Variants in EPHA6 observed in about 807,000 individuals in gnomAD.
The protein encoded by EPHA6 is EPH receptor A6.
Under a neutral mutation model 112.0 loss-of-function variants are expected in EPHA6, and 50 were observed. The ratio of observed to expected loss-of-function variants is 0.45; its 90% confidence interval spans 0.36 to 0.56. The LOEUF is 0.56. Ranked by LOEUF, EPHA6 falls within the 20% of genes least tolerant of loss-of-function variation. The probability of loss-of-function intolerance (pLI) is 0.00; values close to 1 mark genes in which losing one functional copy is unlikely to be tolerated. For missense variants in EPHA6, 1,280 were observed against 1,417.4 expected, an observed-to-expected ratio of 0.90 and a Z score of 1.56; for synonymous variants, 529 against 490.7, an observed-to-expected ratio of 1.08 and a Z score of -1.03.
intron 10 of EPHA6, among the ~76,000 whole-genome samples, chr3:97,493,346 C>T (rs1040367331): frequency 2.0e-5 from 3 of 151,930 alleles, no homozygotes; most frequent in African/African-American, 4.8e-5. Context: ...TTTATTTTCT[C>T]ACAGTTCTGG....
chr3:97,439,713 T>C (rs573167123), intron 6 of EPHA6: 36 of 678,752 alleles, frequency 5.3e-5, no homozygotes, highest in South Asian at 2.0e-4. Flanking sequence ...TTTCTCATCA[T>C]GGGTTCATTT....
chr3:97,592,470 A>G (rs551470949), intron 11 of EPHA6, 142 bp from the exon 12 acceptor site: 30 of 927,620 alleles, frequency 3.2e-5, no homozygotes, highest in Admixed American at 1.5e-4. Context: ...TATGGAGTAA[A>G]AAATGCATTC....
intron 3 of EPHA6, among the ~76,000 whole-genome samples, chr3:97,130,001 G>C (rs1167208577): frequency 4.6e-5 from 7 of 152,186 alleles, no homozygotes; most frequent in African/African-American, 2.4e-5. Context: ...AGATTAACTA[G>C]AGTTAGGTCA....
chr3:97,268,981 G>T lies in EPHA6; in HGVS notation c.1606+24694G>T, dbSNP rs115414872. ...AGTTTCTAACTATATGTTACTTATG[G>T]CGTGGGAGAACATTCCCTTTAGGAT... On this transcript the variant is annotated intron_variant, in intron 5 of 17. Transcript: ENST00000389672. Among the ~76,000 whole-genome samples the T allele has an allele frequency of 1.3e-3, 205 of 152,140 alleles. 2 individuals are homozygous for T. Among genetic ancestry groups the T allele is most frequent in the Admixed American group, 2.9e-3 (44 of 15,288 alleles).
chr3:97,715,945 G>T (rs931635071), intron 14 of EPHA6, among the ~76,000 whole-genome samples: 1 of 152,082 alleles, frequency 6.6e-6, no homozygotes, highest in African/African-American at 2.4e-5. Context: ...TGTTCCCTAA[G>T]TTATTAAGTT....
chr3:96,930,396 G>T (rs2040251291), intron 2 of EPHA6, among the ~76,000 whole-genome samples: 2 of 152,098 alleles, frequency 1.3e-5, no homozygotes, highest in South Asian at 4.1e-4. Flanking sequence ...GGGGTCTTTT[G>T]TGTTGATGTT....
At chr3:96,917,756 A>T (rs920633551) in intron 2 of EPHA6, among the ~76,000 whole-genome samples, 1 of 152,192 alleles carries the variant, frequency 6.6e-6, no homozygotes, top group Non-Finnish European at 1.5e-5. Context: ...GGGAAAAAAA[A>T]AATGTCTCAC....
chr3:97,166,839 A>G (rs1401294755), intron 3 of EPHA6, among the ~76,000 whole-genome samples: 1 of 152,116 alleles, frequency 6.6e-6, no homozygotes, highest in Non-Finnish European at 1.5e-5. Context: ...AGTGTCTCCT[A>G]TTATCAATTT....
intron 3 of EPHA6, among the ~76,000 whole-genome samples, chr3:97,034,345 T>C (rs1423460349): frequency 6.6e-6 from 1 of 151,938 alleles, no homozygotes; most frequent in Non-Finnish European, 1.5e-5. Flanking sequence ...TCTGCTTCTG[T>C]TCCTTGGGGA....
intron 7 of EPHA6, among the ~76,000 whole-genome samples, chr3:97,463,998 C>T (rs757589855): frequency 5.3e-5 from 8 of 152,106 alleles, no homozygotes; most frequent in South Asian, 4.1e-4. Flanking sequence ...CTGGAAAATT[C>T]TCCAAAGGAA....
At chr3:97,466,369 G>T in intron 7 of EPHA6, 1 of 1,608,216 alleles carries the variant, frequency 6.2e-7, no homozygotes, top group Non-Finnish European at 8.5e-7. Flanking sequence ...CCCCATATCA[G>T]CATTTACATC....
intron 1 of EPHA6, among the ~76,000 whole-genome samples, chr3:96,828,090 A>G (rs947541083): frequency 3.3e-5 from 5 of 152,108 alleles, no homozygotes; most frequent in Admixed American, 1.3e-4. Flanking sequence ...ATAAGCATAT[A>G]GAAGAGAGAA....
At chr3:96,939,861 C>T (rs930598267) in intron 2 of EPHA6, among the ~76,000 whole-genome samples, 2 of 152,048 alleles carry the variant, frequency 1.3e-5, no homozygotes, top group Non-Finnish European at 2.9e-5. Context: ...TTGTTATGTA[C>T]CCAGTAGTCA....
At chr3:97,234,383 TTGGCTA>T (rs959707123) in intron 4 of EPHA6, among the ~76,000 whole-genome samples, 5 of 152,164 alleles carry the variant, frequency 3.3e-5, no homozygotes, top group African/African-American at 1.2e-4. Flanking sequence ...ATCATCGTCA[TTGGCTA>T]TGTCTACTTT....
chr3:97,130,006 A>G (rs144424533), intron 3 of EPHA6, among the ~76,000 whole-genome samples: 114 of 152,322 alleles, frequency 7.5e-4, no homozygotes, highest in African/African-American at 2.6e-3. Flanking sequence ...AACTAGAGTT[A>G]GGTCAAGGAA....
intron 10 of EPHA6, among the ~76,000 whole-genome samples, chr3:97,492,002 C>CAT (rs2107525019): frequency 6.6e-6 from 1 of 152,160 alleles, no homozygotes; most frequent in South Asian, 2.1e-4. Flanking sequence ...AATTACATTG[C>CAT]AAAGTGGCAT....
chr3:97,594,463 A>T (rs552020942), intron 12 of EPHA6, among the ~76,000 whole-genome samples: 1 of 152,332 alleles, frequency 6.6e-6, no homozygotes, highest in East Asian at 1.9e-4. Flanking sequence ...TTCTTAAAAA[A>T]TGTATAGATC....
chr3:97,552,266 G>A (rs963275893), intron 11 of EPHA6, among the ~76,000 whole-genome samples: 2 of 152,104 alleles, frequency 1.3e-5, no homozygotes, highest in African/African-American at 4.8e-5. Context: ...AATGCTACTG[G>A]TTCTTTGGTG....
intron 3 of EPHA6, among the ~76,000 whole-genome samples, chr3:96,997,698 ATC>A (rs1371499307): frequency 1.3e-5 from 2 of 152,064 alleles, no homozygotes; most frequent in Non-Finnish European, 2.9e-5. Context: ...CATTGATAAT[ATC>A]TGTTATGGTG....
Sources: allele counts gnomAD v4.1 joint callset (sites outside exome capture counted in the v4.1 genomes callset), GRCh38; gene constraint gnomAD v4.1.1; transcripts MANE v1.5; gene names NCBI Gene and HGNC (gene_info 2026-07-23, HGNC 2026-07-21).